TLK1: variants seen among roughly 807,000 people sequenced by gnomAD.
TLK1 encodes tousled like kinase 1.
In TLK1, 24 loss-of-function variants were observed where a neutral mutation model predicts 105.3. That is an observed-to-expected ratio of 0.23 (90% confidence interval 0.17 to 0.32). TLK1 has a LOEUF of 0.32. Among genes scored for constraint, TLK1 ranks in the 10% least tolerant of loss-of-function variants. The pLI, the probability that TLK1 is intolerant of heterozygous loss-of-function variation, is 1.00. For missense variants in TLK1, 558 were observed against 910.5 expected (o/e 0.61, Z 4.98); for synonymous variants, 321 against 310.4 (o/e 1.03, Z -0.36).
chr2:171,014,428 T>C (rs1207700079), intron 13 of TLK1, among the ~76,000 whole-genome samples: 1 of 152,054 alleles, frequency 6.6e-6, no homozygotes, highest in East Asian at 1.9e-4. Flanking sequence ...TTTGAACTCC[T>C]GGCCAAAGCA....
intron 2 of TLK1, among the ~76,000 whole-genome samples, chr2:171,114,404 C>T (rs1690318550): frequency 6.6e-6 from 1 of 152,152 alleles, no homozygotes; most frequent in Non-Finnish European, 1.5e-5. Flanking sequence ...CACATGAGTA[C>T]ATAAAAGTAG....
At chr2:171,043,602 A>G (rs72890118) in intron 11 of TLK1, among the ~76,000 whole-genome samples, 8 of 152,298 alleles carry the variant, frequency 5.3e-5, no homozygotes, top group Non-Finnish European at 1.0e-4. Flanking sequence ...TATAAACATC[A>G]CCCAAGTAAA....
At chr2:171,161,412 G>A (rs1692495843), upstream of TLK1, among the ~76,000 whole-genome samples, 1 of 152,182 alleles carries the variant, frequency 6.6e-6, no homozygotes, top group Admixed American at 6.5e-5. Flanking sequence ...GTACTGTGCA[G>A]AAAAACGTAT....
At chr2:171,148,692 G>A (rs1196057742) in intron 1 of TLK1, among the ~76,000 whole-genome samples, 1 of 151,460 alleles carries the variant, frequency 6.6e-6, no homozygotes, top group Non-Finnish European at 1.5e-5. Flanking sequence ...AGACCAGCCT[G>A]GCCAACATGG....
chr2:171,111,852 C>T (rs556934138), intron 2 of TLK1, among the ~76,000 whole-genome samples: 1 of 152,272 alleles, frequency 6.6e-6, no homozygotes, highest in Admixed American at 6.5e-5. Flanking sequence ...ACTCACTGAA[C>T]TACATTCTTC....
chr2:171,063,681 T>C (rs891948799), intron 3 of TLK1, among the ~76,000 whole-genome samples: 5 of 152,170 alleles, frequency 3.3e-5, no homozygotes, highest in African/African-American at 1.2e-4. Context: ...TTCTAAAGTA[T>C]ATCCTAAGGA....
intron 18 of TLK1, among the ~76,000 whole-genome samples, chr2:170,999,348 A>G (rs543378549): frequency 6.6e-6 from 1 of 152,336 alleles, no homozygotes; most frequent in East Asian, 1.9e-4. Flanking sequence ...AAGATAACCA[A>G]TAACTCATTT....
chr2:171,209,557 C>T (rs187523429), intron 1 of TLK1, among the ~76,000 whole-genome samples: 52 of 152,178 alleles, frequency 3.4e-4, no homozygotes, highest in South Asian at 6.2e-4. Flanking sequence ...CAAAATCTGA[C>T]GCAGTAATGT....
At chr2:171,133,672 C>T (rs1691193157) in intron 1 of TLK1, among the ~76,000 whole-genome samples, 1 of 151,552 alleles carries the variant, frequency 6.6e-6, no homozygotes, top group African/African-American at 2.4e-5. Context: ...ACTGATAGTT[C>T]ATAGTGTCTA....
intron 1 of TLK1, among the ~76,000 whole-genome samples, chr2:171,159,324 T>C (rs955301324): frequency 1.3e-5 from 2 of 152,216 alleles, no homozygotes; most frequent in African/African-American, 2.4e-5. Context: ...TCCATGCACA[T>C]TTATTCATTC....
At chr2:171,128,870 G>T (rs1377055794) in intron 1 of TLK1, among the ~76,000 whole-genome samples, 1 of 152,094 alleles carries the variant, frequency 6.6e-6, no homozygotes, top group East Asian at 1.9e-4. Flanking sequence ...TAAAGAAATT[G>T]AGACACTGAA....
intron 3 of TLK1, among the ~76,000 whole-genome samples, chr2:171,073,852 G>C (rs1423983155): frequency 6.7e-6 from 1 of 149,468 alleles, no homozygotes; most frequent in Admixed American, 6.7e-5. Context: ...TAATAACAGA[G>C]AAGAGAATAA....
intron 10 of TLK1, among the ~76,000 whole-genome samples, chr2:171,049,229 G>A (rs1687111773): frequency 6.6e-6 from 1 of 152,034 alleles, no homozygotes; most frequent in Admixed American, 6.6e-5. Context: ...TCAGTATCAA[G>A]CAATATACCC....
chr2:171,045,896 A>G (rs1244332776), intron 11 of TLK1: 1 of 310,672 alleles, frequency 3.2e-6, no homozygotes, highest in African/African-American at 2.1e-5. Context: ...AAAACTTTTA[A>G]TTGATTCCTA....
intron 8 of TLK1, among the ~76,000 whole-genome samples, chr2:171,052,101 TA>T (rs200336454): frequency 2.0e-5 from 3 of 150,820 alleles, no homozygotes; most frequent in Admixed American, 6.6e-5. Flanking sequence ...CTCTACAAAA[TA>T]AAAAAAAATC....
At chr2:171,135,012 T>A (rs1575619194) in intron 1 of TLK1, among the ~76,000 whole-genome samples, 1 of 151,970 alleles carries the variant, frequency 6.6e-6, no homozygotes, top group Non-Finnish European at 1.5e-5. Context: ...ATAATCTCAC[T>A]TACATGTGGA....
intron 1 of TLK1, among the ~76,000 whole-genome samples, chr2:171,215,834 C>T (rs755403449): frequency 5.9e-5 from 9 of 152,182 alleles, no homozygotes; most frequent in Non-Finnish European, 8.8e-5. Context: ...GGTACATGCA[C>T]GCGGTGGAAC....
At chr2:171,018,266 T>A (rs1685303099) in intron 12 of TLK1, among the ~76,000 whole-genome samples, 1 of 152,236 alleles carries the variant, frequency 6.6e-6, no homozygotes, top group Non-Finnish European at 1.5e-5. Flanking sequence ...AGAGAGCCCT[T>A]ACCCAAAACT....
chr2:171,050,737 T>C (rs1049861345), intron 8 of TLK1, among the ~76,000 whole-genome samples: 26 of 152,224 alleles, frequency 1.7e-4, no homozygotes, highest in African/African-American at 6.0e-4. Flanking sequence ...ACTTTGTAGG[T>C]GGCCATATGC....
Sources: gnomAD v4.1 joint callset for allele counts (sites outside exome capture counted in the v4.1 genomes callset) on GRCh38, gnomAD v4.1.1 for gene constraint, MANE v1.5 for transcripts, NCBI Gene and HGNC (gene_info 2026-07-23, HGNC 2026-07-21) for gene names.